Variants in PKN2 observed in about 807,000 individuals in gnomAD.
PKN2 encodes serine/threonine-protein kinase N2.
In PKN2, 38 loss-of-function variants were observed where a neutral mutation model predicts 119.1. That is an observed-to-expected ratio of 0.32 (90% CI 0.25 to 0.42). The LOEUF (loss-of-function observed/expected upper bound fraction) is 0.42. Ranked by LOEUF, PKN2 falls within the 10% of genes least tolerant of loss-of-function variation. PKN2 has a pLI of 1.00. For synonymous variants in PKN2, 390 were observed against 384.9 expected (o/e 1.01, Z -0.15); for missense variants, 850 against 1,165.1 (o/e 0.73, Z 3.94).
At chr1:88,798,117 T>TA (rs199879847) in intron 8 of PKN2, among the ~76,000 whole-genome samples, 2,328 of 151,698 alleles carry the variant, frequency 0.015, 48 homozygotes, top group African/African-American at 0.054. Context: ...TGAGACAAAA[T>TA]AAAAAACTAT....
intron 1 of PKN2, among the ~76,000 whole-genome samples, chr1:88,688,395 A>G (rs1001951239): frequency 6.6e-6 from 1 of 151,986 alleles, no homozygotes; most frequent in Non-Finnish European, 1.5e-5. Context: ...CCACTACACC[A>G]TTATTTAAAT....
intron 6 of PKN2, among the ~76,000 whole-genome samples, chr1:88,772,259 C>T (rs1486654975): frequency 6.6e-6 from 1 of 151,992 alleles, no homozygotes; most frequent in Non-Finnish European, 1.5e-5. Flanking sequence ...CCTTTTTTGC[C>T]TGGCTTCTTT....
At chr1:88,766,822 T>C (rs905001066) in intron 3 of PKN2, among the ~76,000 whole-genome samples, 1 of 152,210 alleles carries the variant, frequency 6.6e-6, no homozygotes, top group Non-Finnish European at 1.5e-5. Context: ...AATAACTGTA[T>C]ATTGCCTGTG....
At chr1:88,815,772 G>A (rs139199544) in intron 16 of PKN2, among the ~76,000 whole-genome samples, 167 of 152,252 alleles carry the variant, frequency 1.1e-3, no homozygotes, top group African/African-American at 3.8e-3. Flanking sequence ...ACACAATACC[G>A]GACAAACAGG....
intron 1 of PKN2, among the ~76,000 whole-genome samples, chr1:88,699,367 G>A (rs570383534): frequency 6.6e-5 from 10 of 151,722 alleles, no homozygotes; most frequent in East Asian, 1.9e-4. Context: ...TTTTTTTTGC[G>A]TATAGGCTAG....
intron 3 of PKN2, among the ~76,000 whole-genome samples, chr1:88,762,515 T>C (rs1288676104): frequency 2.0e-5 from 3 of 152,206 alleles, no homozygotes; most frequent in Non-Finnish European, 4.4e-5. Context: ...ATTGAAATTA[T>C]GTGGAATATT....
At chr1:88,759,556 G>A (rs551987704) in intron 2 of PKN2, among the ~76,000 whole-genome samples, 1 of 152,146 alleles carries the variant, frequency 6.6e-6, no homozygotes, top group East Asian at 1.9e-4. Context: ...AGTTCATCAT[G>A]GATGCTGATA....
chr1:88,713,444 T>C (rs1667322043), intron 1 of PKN2, among the ~76,000 whole-genome samples: 1 of 152,192 alleles, frequency 6.6e-6, no homozygotes, highest in Non-Finnish European at 1.5e-5. Flanking sequence ...ATCTGTTGTT[T>C]CCCTACTTTT....
chr1:88,775,388 A>T (rs536441595), intron 6 of PKN2, among the ~76,000 whole-genome samples: 7 of 152,178 alleles, frequency 4.6e-5, no homozygotes, highest in Middle Eastern at 3.4e-3. Flanking sequence ...GGTTTCTTTC[A>T]CTTAGTAATA....
chr1:88,806,215 C>A (rs1252464749), intron 12 of PKN2, 198 bp downstream of exon 12: 2 of 542,822 alleles, frequency 3.7e-6, no homozygotes, highest in Non-Finnish European at 6.5e-6. Context: ...AGTGCAATGG[C>A]ATGATCTCGG....
chr1:88,745,547 A>T (rs1050892131), intron 2 of PKN2, among the ~76,000 whole-genome samples: 1 of 152,114 alleles, frequency 6.6e-6, no homozygotes, highest in Non-Finnish European at 1.5e-5. Flanking sequence ...TTAACCAAGA[A>T]TTGAAAGAGC....
chr1:88,805,453 A>G (rs755090766), intron 10 of PKN2, 44 bp from the exon 11 acceptor site: 6 of 1,464,656 alleles, frequency 4.1e-6, no homozygotes, highest in Non-Finnish European at 5.6e-6. Flanking sequence ...TTGGTTATAC[A>G]TAAAGAAATT....
chr1:88,690,539 A>G (rs555285247), intron 1 of PKN2, among the ~76,000 whole-genome samples: 1 of 152,352 alleles, frequency 6.6e-6, no homozygotes, highest in East Asian at 1.9e-4. Flanking sequence ...ACTAGTTAAA[A>G]GCTTTAAAAA....
intron 1 of PKN2, among the ~76,000 whole-genome samples, chr1:88,722,400 T>C (rs1245336890): frequency 6.6e-6 from 1 of 152,192 alleles, no homozygotes; most frequent in Non-Finnish European, 1.5e-5. Flanking sequence ...CCAATACATA[T>C]GTTTTCTTTT....
At chr1:88,780,024 T>A (rs967457518) in intron 6 of PKN2, among the ~76,000 whole-genome samples, 2 of 152,236 alleles carry the variant, frequency 1.3e-5, no homozygotes, top group Non-Finnish European at 2.9e-5. Flanking sequence ...GGAGCTACAT[T>A]CCTTTCAGTG....
At chr1:88,745,464 A>G (rs916516126) in intron 2 of PKN2, among the ~76,000 whole-genome samples, 12 of 152,198 alleles carry the variant, frequency 7.9e-5, no homozygotes, top group Non-Finnish European at 1.2e-4. Flanking sequence ...TCATTTCTAT[A>G]TACTAACTAT....
chr1:88,774,435 G>C (rs78357154), intron 6 of PKN2, among the ~76,000 whole-genome samples: 5,284 of 152,200 alleles, frequency 0.035, 137 homozygotes, highest in Non-Finnish European at 0.048. Flanking sequence ...TCCTGAAACT[G>C]TCTAGAGGCC....
chr1:88,756,951 T>G (rs192168749), intron 2 of PKN2, among the ~76,000 whole-genome samples: 16 of 152,310 alleles, frequency 1.1e-4, no homozygotes, highest in African/African-American at 3.6e-4. Context: ...GTGAAGTACC[T>G]TACCCTGTAT....
intron 1 of PKN2, among the ~76,000 whole-genome samples, chr1:88,718,864 A>G (rs1667558926): frequency 6.6e-6 from 1 of 152,212 alleles, no homozygotes; most frequent in South Asian, 2.1e-4. Context: ...TACTGAAGGT[A>G]CACAGAGAGT....
Sources: gnomAD v4.1 joint callset for allele counts (sites outside exome capture counted in the v4.1 genomes callset) on GRCh38, gnomAD v4.1.1 for gene constraint, MANE v1.5 for transcripts, NCBI Gene and HGNC (gene_info 2026-07-23, HGNC 2026-07-21) for gene names.